Variants in CADM3 observed in about 807,000 individuals in gnomAD.
CADM3 encodes TSLC1-like 1.
Under a neutral mutation model 44.9 loss-of-function variants are expected in CADM3, and 11 were observed. The ratio of observed to expected loss-of-function variants is 0.25; its 90% confidence interval spans 0.15 to 0.41. The LOEUF (loss-of-function observed/expected upper bound fraction) is 0.41, where lower values mean the gene tolerates loss of function less well. CADM3 is among the 10% of genes least tolerant of loss of function. The pLI is 1.00. For missense variants in CADM3, 426 were observed against 512.0 expected (o/e 0.83, Z 1.62); for synonymous variants, 207 against 205.2 (o/e 1.01, Z -0.08).
chr1:159,196,533 A>G (rs899093319), intron 6 of CADM3, 79 bp downstream of exon 6: 7 of 1,127,454 alleles, frequency 6.2e-6, no homozygotes, highest in African/African-American at 3.1e-5. Context: ...GCTCCTTCCT[A>G]TCTCCTCTGT....
chr1:159,193,620 C>A lies in CADM3; in HGVS notation c.520+60C>A, dbSNP rs1414344849. 4 of 1,607,958 alleles carry A rather than the reference C, an allele frequency of 2.5e-6. No homozygotes were observed. The East Asian group carries it at 8.9e-5, about 36-fold the overall frequency. ...GTGGTGCTGGAAAGAGAGAGAAGTG[C>A]CTGTCTGTGAACGTACACAGGAGGC... On this transcript the variant is annotated intron_variant, in intron 4 of 8. Coordinates refer to ENST00000368125, the MANE Select transcript of CADM3 (RefSeq NM_001127173.3).
At chr1:159,179,177 A>C (rs138340637) in intron 1 of CADM3, among the ~76,000 whole-genome samples, 234 of 152,302 alleles carry the variant, frequency 1.5e-3, no homozygotes, top group Non-Finnish European at 2.1e-3. Flanking sequence ...AAATCTCAAC[A>C]TATTTTTCAG....
At chr1:159,191,828 G>A (rs1649673688) in intron 1 of CADM3, 108 bp from the exon 2 acceptor site, 1 of 1,337,682 alleles carries the variant, frequency 7.5e-7, no homozygotes, top group Non-Finnish European at 1.0e-6. Context: ...GAGACCTTGT[G>A]TACACAAGGG....
chr1:159,175,727 A>T (rs1557928540), intron 1 of CADM3, among the ~76,000 whole-genome samples: 1 of 152,190 alleles, frequency 6.6e-6, no homozygotes, highest in Admixed American at 6.5e-5. Flanking sequence ...CTTCCAACTG[A>T]AGAAGAAAGA....
intron 1 of CADM3, among the ~76,000 whole-genome samples, chr1:159,180,876 G>T (rs1649206097): frequency 6.6e-6 from 1 of 152,124 alleles, no homozygotes; most frequent in South Asian, 2.1e-4. Flanking sequence ...CAAGCCATCA[G>T]CCTGTAATAT....
intron 5 of CADM3, chr1:159,194,970 T>A (rs768121934): frequency 4.6e-5 from 7 of 152,194 alleles, no homozygotes; most frequent in Non-Finnish European, 5.9e-5. Context: ...AAATGGTGTA[T>A]TTCTTGTCCT....
Position 159,201,000 on chromosome 1 carries a change from G to A in CADM3, c.*78G>A. 1 of 1,035,320 alleles carries A rather than the reference G, an allele frequency of 9.7e-7. No individual in the cohort carries two copies. Among genetic ancestry groups the A allele is most frequent in the East Asian group, 2.8e-5 (1 of 35,596 alleles). 64.1% of individuals were successfully genotyped at this position (1,035,320 alleles called of 1,614,324 possible). A position where few individuals can be genotyped will look rare whatever the true frequency, so the allele number is the denominator to read the frequency against. On this transcript the variant is annotated 3_prime_UTR_variant, in exon 9 of 9. Coordinates refer to ENST00000368125, the MANE Select transcript of CADM3 (RefSeq NM_001127173.3). Reference sequence around the variant, plus strand: ...GCCGTCACCAACCCGGACTTGTACAGAGCAACCGCAGGGCCGCCCCTCCCG... The same window carrying A: ...GCCGTCACCAACCCGGACTTGTACAAAGCAACCGCAGGGCCGCCCCTCCCG...
rs920149509 is a variant in CADM3 at position 159,202,598 on chromosome 1, G to A, written c.*1676G>A. On this transcript the variant is annotated 3_prime_UTR_variant, in exon 9 of 9. Transcript: ENST00000368125. Reference sequence around the variant, plus strand: ...CCCAGCTGGTTGCTGTGGAGATGAGGTTCCTGGTCCTCCCTGTCCTGGCTG... The same window carrying A: ...CCCAGCTGGTTGCTGTGGAGATGAGATTCCTGGTCCTCCCTGTCCTGGCTG... 3.9e-5 allele frequency: 6 copies of A among 152,486 alleles called. No homozygotes were observed. The highest frequency in any genetic ancestry group is 1.4e-4 in the African/African-American group (6 of 41,466). The allele number at this position is 152,486 out of a possible 1,614,324, so 9.4% of individuals were successfully genotyped here.
chr1:159,178,157 A>G (rs964034664), intron 1 of CADM3, among the ~76,000 whole-genome samples: 14 of 152,246 alleles, frequency 9.2e-5, no homozygotes, highest in African/African-American at 3.4e-4. Flanking sequence ...GAAAATGTCT[A>G]TACAAGTTTA....
chr1:159,191,683 G>T (rs545546312), intron 1 of CADM3, among the ~76,000 whole-genome samples: 39 of 152,228 alleles, frequency 2.6e-4, no homozygotes, highest in Non-Finnish European at 3.4e-4. Context: ...GGCCCTGTCA[G>T]TTCATTCAGG....
chr1:159,177,017 C>T (rs1304228348), intron 1 of CADM3, among the ~76,000 whole-genome samples: 3 of 152,144 alleles, frequency 2.0e-5, no homozygotes, highest in Non-Finnish European at 4.4e-5. Context: ...GAGTCTGATA[C>T]GTCTCATACC....
chr1:159,183,178 T>C lies in CADM3; in HGVS notation c.89-8758T>C, dbSNP rs200671625. Among the ~76,000 whole-genome samples the C allele has an allele frequency of 3.3e-3, 498 of 152,334 alleles. 5 individuals are homozygous for C. Among genetic ancestry groups the C allele is most frequent in the Non-Finnish European group, 2.6e-3 (175 of 68,034 alleles). ...TCCTTCCAAATCTAAATCTCTTAGATAATCTAATAGTGTAGGACCCCTGGG... is the reference window on the plus strand; with the variant it reads ...TCCTTCCAAATCTAAATCTCTTAGACAATCTAATAGTGTAGGACCCCTGGG... On this transcript the variant is annotated intron_variant, in intron 1 of 8. Transcript: ENST00000368125.
intron 1 of CADM3, among the ~76,000 whole-genome samples, chr1:159,190,235 A>G (rs1649592699): frequency 6.6e-6 from 1 of 152,230 alleles, no homozygotes; most frequent in Non-Finnish European, 1.5e-5. Flanking sequence ...GCACGTGGCT[A>G]TGGTAAATGA....
rs1280632427 is a variant in CADM3, at chr1:159,202,986, T to C, written c.*2064T>C. On this transcript the variant is annotated 3_prime_UTR_variant, in exon 9 of 9. Transcript: ENST00000368125. ...CAGAAGCCATATTTGTACGGGGGGG[T>C]GGGAGGGAGAGGGGCTGTTGTGCTG... The C allele has an allele frequency of 7.0e-5, 1 of 14,254 alleles. No homozygotes were observed. Among genetic ancestry groups the C allele is most frequent in the Non-Finnish European group, 1.3e-4 (1 of 7,574 alleles). The allele number at this position is 14,254 out of a possible 1,614,324, so 0.9% of individuals were successfully genotyped here.
intron 1 of CADM3, among the ~76,000 whole-genome samples, chr1:159,179,008 C>G (rs1197693966): frequency 2.6e-5 from 4 of 152,164 alleles, no homozygotes; most frequent in Admixed American, 6.5e-5. Context: ...CTTCATTCCT[C>G]AAGGACAGGT....
intron 1 of CADM3, among the ~76,000 whole-genome samples, chr1:159,175,507 T>G (rs34620308): frequency 9.1e-4 from 139 of 152,352 alleles, no homozygotes; most frequent in Non-Finnish European, 1.5e-3. Context: ...TGTGAGACAT[T>G]TTTAACAAAT....
chr1:159,200,907 G>A lies in CADM3; in HGVS notation c.1182G>A (p.Lys394=). ...GGCAGTCAGGAGGGGACGACAAGAA[G>A]GAATATTTCATCTAGAGGCGCCTGC... is the stretch of plus-strand genomic sequence containing the variant. The part of the protein sequence containing the change: ...EGGQSGGDDK[K]EYFI Residue 394 remains lysine (K), a synonymous_variant, in exon 9 of 9, where the codon AAG becomes AAA. Coordinates refer to ENST00000368125, the MANE Select transcript of CADM3 (RefSeq NM_001127173.3). 6.2e-7 allele frequency: 1 copy of A among 1,606,468 alleles called. No homozygotes were observed. The highest frequency in any genetic ancestry group is 8.5e-7 in the Non-Finnish European group (1 of 1,176,402).
chr1:159,178,777 C>T (rs1253471662), intron 1 of CADM3, among the ~76,000 whole-genome samples: 1 of 152,092 alleles, frequency 6.6e-6, no homozygotes, highest in Non-Finnish European at 1.5e-5. Flanking sequence ...GTGCTCAGCC[C>T]GTCAGTCTTA....
intron 1 of CADM3, among the ~76,000 whole-genome samples, chr1:159,190,383 A>G (rs74738179): frequency 0.01 from 1,542 of 152,324 alleles, 33 homozygotes; most frequent in African/African-American, 0.035. Context: ...AAGCATTTCA[A>G]TGTAAAGGGC....
Sources: allele counts gnomAD v4.1 joint callset (sites outside exome capture counted in the v4.1 genomes callset), GRCh38; gene constraint gnomAD v4.1.1; transcripts MANE v1.5; gene names NCBI Gene and HGNC (gene_info 2026-07-23, HGNC 2026-07-21).